Variants in AUTS2 observed in about 807,000 individuals in gnomAD.
The protein encoded by AUTS2 is activator of transcription and developmental regulator AUTS2, also known as autism susceptibility gene 2 protein.
A neutral mutation model predicts 112.4 loss-of-function variants in AUTS2; 17 were observed. The observed-to-expected ratio is 0.15, with a 90% confidence interval of 0.10 to 0.23. The LOEUF is 0.23. AUTS2 is among the 10% of genes least tolerant of loss of function. The pLI is 1.00. For synonymous variants in AUTS2, 751 were observed against 702.7 expected, an observed-to-expected ratio of 1.07 and a Z score of -1.09; for missense variants, 1,510 against 1,701.6, an observed-to-expected ratio of 0.89 and a Z score of 1.98.
chr7:69,751,984 T>A (rs753440229), intron 1 of AUTS2, among the ~76,000 whole-genome samples: 4 of 152,116 alleles, frequency 2.6e-5, no homozygotes, highest in Admixed American at 6.5e-5. Context: ...AAAGTTAAAT[T>A]TTTTTTTGAT....
Position 70,779,865 on chromosome 7 carries a change from C to T in AUTS2, c.2005-1750C>T, listed in dbSNP as rs60555674. On this transcript the variant is annotated intron_variant, in intron 14 of 18. Transcript: ENST00000342771. ...AGCCTGGGCAACATAGAGAGAGAGA[C>T]CTGTCTCTACCAAAATGAAAAAACA... 5.0e-3 allele frequency among the ~76,000 whole-genome samples: 753 copies of T among 152,080 alleles called. 7 individuals are homozygous for T. Among genetic ancestry groups the T allele is most frequent in the African/African-American group, 0.018 (733 of 41,492 alleles).
chr7:70,606,377 A>G (rs961893223), intron 5 of AUTS2, among the ~76,000 whole-genome samples: 8 of 152,274 alleles, frequency 5.3e-5, no homozygotes, highest in East Asian at 1.9e-4. Flanking sequence ...CCCATCAATA[A>G]TTACATTAAT....
rs1206280397 is a variant in AUTS2, at chr7:70,256,999, C to T, written c.660+122428C>T. Among the ~76,000 whole-genome samples the T allele has an allele frequency of 2.0e-5, 3 of 152,172 alleles. No homozygotes were observed. In the East Asian group the frequency reaches 5.8e-4, roughly 29 times the overall value. On this transcript the variant is annotated intron_variant, in intron 4 of 18. Coordinates refer to ENST00000342771, the MANE Select transcript of AUTS2 (RefSeq NM_015570.4). ...CTATAATGGGTAGTCCTTTCCTGAT[C>T]TTCTAAGAAAATTAGATGCCTGGCT...
chr7:69,859,206 T>A (rs1271363871), intron 1 of AUTS2, among the ~76,000 whole-genome samples: 1 of 152,220 alleles, frequency 6.6e-6, no homozygotes, highest in Non-Finnish European at 1.5e-5. Flanking sequence ...CAGTGGGATA[T>A]CTCTTTAGCC....
chr7:69,987,658 C>A (rs1798568596), intron 2 of AUTS2, among the ~76,000 whole-genome samples: 1 of 152,110 alleles, frequency 6.6e-6, no homozygotes, highest in South Asian at 2.1e-4. Flanking sequence ...TTAATAGAGA[C>A]CAGGTCTTGT....
chr7:70,522,725 T>C (rs1407354973), intron 5 of AUTS2, among the ~76,000 whole-genome samples: 3 of 152,250 alleles, frequency 2.0e-5, no homozygotes, highest in Admixed American at 6.5e-5. Flanking sequence ...CCTAGGTTGC[T>C]TCTGTGTCTT....
chr7:70,637,147 T>C (rs982809948), intron 5 of AUTS2, among the ~76,000 whole-genome samples: 8 of 152,192 alleles, frequency 5.3e-5, no homozygotes, highest in Non-Finnish European at 8.8e-5. Context: ...TCAGCCTGAT[T>C]CCATGTTGGC....
intron 6 of AUTS2, among the ~76,000 whole-genome samples, chr7:70,724,228 T>A (rs1186827383): frequency 6.6e-6 from 1 of 152,074 alleles, no homozygotes; most frequent in East Asian, 1.9e-4. Flanking sequence ...TGGCTGTGAT[T>A]TTGCAGGCAC....
intron 4 of AUTS2, among the ~76,000 whole-genome samples, chr7:70,362,616 G>A (rs941430740): frequency 6.7e-6 from 1 of 149,470 alleles, no homozygotes; most frequent in Admixed American, 6.7e-5. Flanking sequence ...TCTCTCCCCC[G>A]TCCCTCCCTC....
chr7:70,228,385 A>G (rs933522652), intron 4 of AUTS2, among the ~76,000 whole-genome samples: 11 of 151,260 alleles, frequency 7.3e-5, no homozygotes, highest in Non-Finnish European at 1.3e-4. Context: ...CAGTCTAACA[A>G]TCTCTTTTTT....
At chr7:70,190,339 T>C (rs1180128451) in intron 4 of AUTS2, among the ~76,000 whole-genome samples, 2 of 152,154 alleles carry the variant, frequency 1.3e-5, no homozygotes, top group Non-Finnish European at 2.9e-5. Flanking sequence ...CTAAAGGGGG[T>C]ACTCTTGTTT....
rs117255909 is a variant in AUTS2, at chr7:69,973,723, C to T, written c.522+74225C>T. Among the ~76,000 whole-genome samples, 1,261 of 152,086 alleles carry T rather than the reference C, an allele frequency of 8.3e-3. 32 individuals are homozygous for T. Among genetic ancestry groups the T allele is most frequent in the East Asian group, 0.062 (323 of 5,184 alleles). On this transcript the variant is annotated intron_variant, in intron 2 of 18. Coordinates refer to ENST00000342771, the MANE Select transcript of AUTS2 (RefSeq NM_015570.4). ...GTTTTTCTTTTATAGCCTATTAATA[C>T]GGTAGAGTACATTGCTTGATTTTCA...
At chr7:69,963,888 C>T (rs2129547243) in intron 2 of AUTS2, among the ~76,000 whole-genome samples, 1 of 152,028 alleles carries the variant, frequency 6.6e-6, no homozygotes, top group East Asian at 1.9e-4. Flanking sequence ...GCCTTTTCTC[C>T]CTGCTGCCAC....
chr7:70,103,630 G>T lies in AUTS2; in HGVS notation c.523-14502G>T, dbSNP rs112785173. ...TAGAAAATTGTATAACAGTAGGCTG[G>T]GTGCAGTGGCTCACGCCTGTAATCC... On this transcript the variant is annotated intron_variant, in intron 2 of 18. Transcript: ENST00000342771. Among the ~76,000 whole-genome samples the T allele has an allele frequency of 1.6e-3, 242 of 152,218 alleles. 6 individuals carry two copies. Among genetic ancestry groups the T allele is most frequent in the African/African-American group, 5.5e-3 (228 of 41,550 alleles).
intron 4 of AUTS2, among the ~76,000 whole-genome samples, chr7:70,161,904 G>A (rs1397532892): frequency 6.6e-6 from 1 of 152,088 alleles, no homozygotes; most frequent in Non-Finnish European, 1.5e-5. Context: ...AATACTGTTG[G>A]AGTTATTGAA....
chr7:69,928,912 TGGCCAATCCAGACG>T, intron 2 of AUTS2, among the ~76,000 whole-genome samples: 1 of 152,304 alleles, frequency 6.6e-6, no homozygotes, highest in East Asian at 1.9e-4. Flanking sequence ...GTCCTCGCAG[TGGCCAATCCAGACG>T]GGCCACCATT....
At chr7:70,602,255 A>G (rs988247206) in intron 5 of AUTS2, among the ~76,000 whole-genome samples, 45 of 152,204 alleles carry the variant, frequency 3.0e-4, no homozygotes, top group Non-Finnish European at 5.6e-4. Context: ...CATGCCATCT[A>G]ACTTACAAAG....
intron 1 of AUTS2, among the ~76,000 whole-genome samples, chr7:69,680,501 A>G (rs1796743806): frequency 6.6e-6 from 1 of 151,862 alleles, no homozygotes. Flanking sequence ...AAGTGTAGAT[A>G]CTTCAGTAGT....
intron 4 of AUTS2, among the ~76,000 whole-genome samples, chr7:70,275,222 A>G (rs1010205584): frequency 1.3e-5 from 2 of 152,174 alleles, no homozygotes; most frequent in Admixed American, 1.3e-4. Context: ...CTAGCCTTAA[A>G]AAGGATGATA....
Sources: allele counts gnomAD v4.1 joint callset (sites outside exome capture counted in the v4.1 genomes callset), GRCh38; gene constraint gnomAD v4.1.1; transcripts MANE v1.5; gene names NCBI Gene and HGNC (gene_info 2026-07-23, HGNC 2026-07-21).